GALNT13: variants seen among roughly 807,000 people sequenced by gnomAD.
GALNT13 encodes polypeptide N-acetylgalactosaminyltransferase 13, also known as UDP-GalNAc:polypeptide N-acetylgalactosaminyltransferase 13.
A neutral mutation model predicts 64.2 loss-of-function variants in GALNT13; 28 were observed. That is an observed-to-expected ratio of 0.44 (90% CI 0.32 to 0.60). The LOEUF (loss-of-function observed/expected upper bound fraction) is 0.60. Among genes scored for constraint, GALNT13 ranks in the 20% least tolerant of loss-of-function variants. The pLI is 0.05. For missense variants in GALNT13, 577 were observed against 669.8 expected (o/e 0.86, Z 1.53); for synonymous variants, 214 against 224.6 (o/e 0.95, Z 0.42).
intron 9 of GALNT13, among the ~76,000 whole-genome samples, chr2:154,343,618 GCA>G (rs992803739): frequency 5.3e-5 from 8 of 152,098 alleles, no homozygotes; most frequent in African/African-American, 1.9e-4. Flanking sequence ...GCCTTTTGTT[GCA>G]CAGTTTTTTT....
At chr2:154,413,531 C>T (rs933938955) in intron 11 of GALNT13, among the ~76,000 whole-genome samples, 2 of 151,956 alleles carry the variant, frequency 1.3e-5, no homozygotes. Context: ...ATATACAAAA[C>T]CCCTCATAAT....
the GALNT13 span, among the ~76,000 whole-genome samples, chr2:153,307,488 T>C: frequency 7.2e-5 from 11 of 152,084 alleles, no homozygotes; most frequent in Admixed American, 2.0e-4. Context: ...GTTTTAAAGA[T>C]GAATATTTAA....
At chr2:153,552,452 G>A in the GALNT13 span, among the ~76,000 whole-genome samples, 6 of 152,052 alleles carry the variant, frequency 3.9e-5, no homozygotes, top group African/African-American at 1.4e-4. Flanking sequence ...TGGACATAGA[G>A]AGTAGCCCTG....
At chr2:153,548,385 C>T in the GALNT13 span, among the ~76,000 whole-genome samples, 1 of 152,114 alleles carries the variant, frequency 6.6e-6, no homozygotes, top group African/African-American at 2.4e-5. Flanking sequence ...TAGGGGATGT[C>T]AGTTATCTCA....
the GALNT13 span, among the ~76,000 whole-genome samples, chr2:153,491,692 C>T: frequency 2.6e-5 from 4 of 152,092 alleles, no homozygotes; most frequent in Admixed American, 2.6e-4. Flanking sequence ...GTGATCTTGG[C>T]TCACTGCAGC....
chr2:153,944,441 T>A lies in GALNT13; in HGVS notation c.-57T>A. The A allele has an allele frequency of 6.5e-7, 1 of 1,548,410 alleles. No individual in the cohort carries two copies. On this transcript the variant is annotated 5_prime_UTR_variant, in exon 3 of 13. Coordinates refer to ENST00000392825, the MANE Select transcript of GALNT13 (RefSeq NM_052917.4). The stretch of plus-strand genomic sequence containing the variant: ...TTGGAGTTCACCTGTGTGGCTTGGA[T>A]TTATCACAGTAGCATTTGTCTTCAA...
intron 8 of GALNT13, among the ~76,000 whole-genome samples, chr2:154,267,295 G>T (rs1167794301): frequency 6.6e-6 from 1 of 152,126 alleles, no homozygotes; most frequent in Non-Finnish European, 1.5e-5. Flanking sequence ...CCAAAAGTAT[G>T]AGTCATAAGA....
intron 3 of GALNT13, among the ~76,000 whole-genome samples, chr2:153,985,824 A>G (rs1694761862): frequency 6.6e-6 from 1 of 152,050 alleles, no homozygotes; most frequent in Non-Finnish European, 1.5e-5. Context: ...TTATTTATTA[A>G]AATGCTATTC....
the GALNT13 span, among the ~76,000 whole-genome samples, chr2:153,804,195 G>T: frequency 6.6e-6 from 1 of 152,190 alleles, no homozygotes; most frequent in African/African-American, 2.4e-5. Flanking sequence ...TTGAGATACA[G>T]TCTTGCCCTG....
chr2:153,107,450 T>G, the GALNT13 span, among the ~76,000 whole-genome samples: 6 of 152,170 alleles, frequency 3.9e-5, no homozygotes, highest in East Asian at 9.6e-4. Flanking sequence ...TAAAACATGT[T>G]CCTTAGGTGA....
the GALNT13 span, among the ~76,000 whole-genome samples, chr2:153,377,106 T>C: frequency 6.6e-6 from 1 of 152,160 alleles, no homozygotes; most frequent in Admixed American, 6.5e-5. Flanking sequence ...GATGTCCTTA[T>C]AAGAAAAGGA....
chr2:153,652,417 T>C, the GALNT13 span, among the ~76,000 whole-genome samples: 1 of 151,902 alleles, frequency 6.6e-6, no homozygotes, highest in Non-Finnish European at 1.5e-5. Context: ...GGTCAGGAGA[T>C]CAGCTTGCCC....
chr2:154,229,403 A>G (rs996340994), intron 4 of GALNT13, among the ~76,000 whole-genome samples: 2 of 151,944 alleles, frequency 1.3e-5, no homozygotes, highest in African/African-American at 2.4e-5. Flanking sequence ...AAGTCTCATT[A>G]GAAGAATCCT....
At chr2:153,708,991 G>A in the GALNT13 span, among the ~76,000 whole-genome samples, 10 of 151,816 alleles carry the variant, frequency 6.6e-5, no homozygotes, top group South Asian at 2.1e-4. Context: ...AACCCAAAAC[G>A]GATTAAAGAC....
At chr2:153,153,327 A>G in the GALNT13 span, among the ~76,000 whole-genome samples, 1 of 152,048 alleles carries the variant, frequency 6.6e-6, no homozygotes, top group African/African-American at 2.4e-5. Flanking sequence ...TAGTTTGCAA[A>G]AATATTTTCC....
At chr2:153,089,539 G>A in the GALNT13 span, among the ~76,000 whole-genome samples, 1 of 152,048 alleles carries the variant, frequency 6.6e-6, no homozygotes. Context: ...GGCCAGGGAA[G>A]TTTTCCTCAA....
At chr2:153,530,219 AT>A in the GALNT13 span, among the ~76,000 whole-genome samples, 1 of 152,048 alleles carries the variant, frequency 6.6e-6, no homozygotes, top group African/African-American at 2.4e-5. Flanking sequence ...AATCAGTAGC[AT>A]TTTTATATGC....
chr2:153,098,742 C>T, the GALNT13 span, among the ~76,000 whole-genome samples: 3 of 152,078 alleles, frequency 2.0e-5, no homozygotes, highest in African/African-American at 7.3e-5. Context: ...ATATCCTGAA[C>T]ATGTTTCTCA....
the GALNT13 span, among the ~76,000 whole-genome samples, chr2:153,257,869 T>G: frequency 2.0e-5 from 3 of 152,190 alleles, no homozygotes; most frequent in Non-Finnish European, 4.4e-5. Context: ...TGGAATGGTG[T>G]GCTTTCTTTA....
Sources: allele counts gnomAD v4.1 joint callset (sites outside exome capture counted in the v4.1 genomes callset), GRCh38; gene constraint gnomAD v4.1.1; transcripts MANE v1.5; gene names NCBI Gene and HGNC (gene_info 2026-07-23, HGNC 2026-07-21).